The following SUGCT variants were observed in gnomAD, a reference collection of about 807,000 sequenced individuals.
The protein encoded by SUGCT is succinyl-CoA:glutarate-CoA transferase.
SUGCT carries 41 observed loss-of-function variants against 55.0 expected under a neutral mutation model. The ratio of observed to expected loss-of-function variants is 0.74; its 90% CI spans 0.58 to 0.97. The LOEUF is 0.97. SUGCT is among the 50% of genes least tolerant of loss of function. SUGCT has a pLI of 0.00. For synonymous variants in SUGCT, 187 were observed against 200.4 expected (o/e 0.93, Z 0.56); for missense variants, 568 against 547.8 (o/e 1.04, Z -0.37).
chr7:40,551,633 A>G (rs183197612), intron 12 of SUGCT, among the ~76,000 whole-genome samples: 5 of 152,310 alleles, frequency 3.3e-5, no homozygotes, highest in African/African-American at 7.2e-5. Context: ...GATCACTCCT[A>G]TGGATGGAAG....
intron 12 of SUGCT, among the ~76,000 whole-genome samples, chr7:40,634,598 A>G (rs1214574438): frequency 6.6e-6 from 1 of 152,232 alleles, no homozygotes; most frequent in East Asian, 1.9e-4. Context: ...AGAAAGAGAT[A>G]AAAACAATGA....
At chr7:40,439,410 C>T (rs907843641) in intron 9 of SUGCT, among the ~76,000 whole-genome samples, 1 of 151,868 alleles carries the variant, frequency 6.6e-6, no homozygotes, top group Non-Finnish European at 1.5e-5. Context: ...GTCTGTGGCT[C>T]ATTGCTCAGT....
intron 11 of SUGCT, among the ~76,000 whole-genome samples, chr7:40,478,099 C>G (rs1158036635): frequency 6.6e-6 from 1 of 152,088 alleles, no homozygotes; most frequent in Non-Finnish European, 1.5e-5. Flanking sequence ...CTCAAGGGAT[C>G]CTCCTGCCTA....
intron 9 of SUGCT, among the ~76,000 whole-genome samples, chr7:40,394,296 G>A (rs149148564): frequency 3.3e-4 from 50 of 152,236 alleles, no homozygotes; most frequent in African/African-American, 1.2e-3. Context: ...CAGACCTGTG[G>A]TTAGCAAATG....
chr7:40,545,622 GA>G lies in SUGCT; in HGVS notation c.1089+49237del. On this transcript the variant is annotated intron_variant, in intron 12 of 13. Coordinates refer to ENST00000335693, the MANE Select transcript of SUGCT (RefSeq NM_001193313.2). ...TAAAAAGAAACCAAGACAAAGGAAG[GA>G]GAATAATTTTATGAAAGTAAGAGTT... Among the ~76,000 whole-genome samples, 3 of 152,304 alleles carry G rather than the reference GA, an allele frequency of 2.0e-5. No individual in the cohort carries two copies. The East Asian group carries it at 5.8e-4, about 29-fold the overall frequency.
intron 9 of SUGCT, among the ~76,000 whole-genome samples, chr7:40,325,121 T>A (rs867502133): frequency 1.1e-4 from 17 of 152,358 alleles, no homozygotes; most frequent in Non-Finnish European, 1.8e-4. Flanking sequence ...TTTGAAGATA[T>A]GCAGTACTTT....
In SUGCT at chr7:40,227,876, A is replaced by T. The variant is rs572815043; in HGVS notation, c.485-9759A>T. ...ATTTATTTGTTATTTATTTATTTAT[A>T]TATTTATTTATTTATTTATTTTTGA... On this transcript the variant is annotated intron_variant, in intron 6 of 13. Coordinates refer to ENST00000335693, the MANE Select transcript of SUGCT (RefSeq NM_001193313.2). Among the ~76,000 whole-genome samples, 1,446 of 147,698 alleles carry T rather than the reference A, an allele frequency of 9.8e-3. 18 individuals are homozygous for T. The highest frequency in any genetic ancestry group is 0.013 in the Non-Finnish European group (853 of 67,620).
intron 7 of SUGCT, among the ~76,000 whole-genome samples, chr7:40,255,084 A>G (rs1790717828): frequency 6.6e-6 from 1 of 151,094 alleles, no homozygotes; most frequent in African/African-American, 2.4e-5. Flanking sequence ...AAAATTAGCC[A>G]TGCGTGGTGG....
chr7:40,319,338 T>C (rs966547681), intron 9 of SUGCT, among the ~76,000 whole-genome samples: 3 of 152,198 alleles, frequency 2.0e-5, no homozygotes, highest in South Asian at 2.1e-4. Flanking sequence ...GGGTCCTAGA[T>C]ATGCTTAGAG....
chr7:40,781,276 T>C (rs1245948975), intron 13 of SUGCT, among the ~76,000 whole-genome samples: 1 of 152,206 alleles, frequency 6.6e-6, no homozygotes, highest in Admixed American at 6.6e-5. Flanking sequence ...TTACATTCCC[T>C]TGGAATTAAA....
chr7:40,956,540 G>A, the SUGCT span, among the ~76,000 whole-genome samples: 1 of 151,692 alleles, frequency 6.6e-6, no homozygotes, highest in Non-Finnish European at 1.5e-5. Flanking sequence ...CTGGCTAGTG[G>A]TCTATTTTGT....
In SUGCT at chr7:40,268,370, C is replaced by T. The variant is rs145593680; in HGVS notation, c.577-6143C>T. ...TATAATATGCAGCCTTTTGTGACTGCCTTCTCTCACTTAGCATAATATTTG... is the reference window on the plus strand; with the variant it reads ...TATAATATGCAGCCTTTTGTGACTGTCTTCTCTCACTTAGCATAATATTTG... On this transcript the variant is annotated intron_variant, in intron 7 of 13. Transcript: ENST00000335693. Among the ~76,000 whole-genome samples, 568 of 152,280 alleles carry T rather than the reference C, an allele frequency of 3.7e-3. 2 individuals carry two copies. The highest frequency in any genetic ancestry group is 0.013 in the African/African-American group (554 of 41,572).
chr7:40,361,608 TAGGA>T (rs1002884210), intron 9 of SUGCT, among the ~76,000 whole-genome samples: 6 of 151,530 alleles, frequency 4.0e-5, no homozygotes, highest in African/African-American at 1.5e-4. Flanking sequence ...TCAAACACTC[TAGGA>T]AGAAGTGATT....
chr7:40,142,097 C>T (rs567591611), intron 1 of SUGCT, among the ~76,000 whole-genome samples: 4 of 151,832 alleles, frequency 2.6e-5, no homozygotes, highest in African/African-American at 7.3e-5. Context: ...AGCAGGTAAT[C>T]GGAATGACTT....
chr7:40,523,361 T>A (rs1177409729), intron 12 of SUGCT, among the ~76,000 whole-genome samples: 4 of 152,124 alleles, frequency 2.6e-5, no homozygotes, highest in Non-Finnish European at 5.9e-5. Flanking sequence ...GCTTGACATT[T>A]AATATCTATC....
chr7:40,880,504 T>C, the SUGCT span, among the ~76,000 whole-genome samples: 8 of 152,206 alleles, frequency 5.3e-5, no homozygotes, highest in Non-Finnish European at 7.3e-5. Context: ...CATGGCTTCA[T>C]TAGGGACTGC....
Position 40,189,535 on chromosome 7 carries a change from A to C in SUGCT, c.313-9A>C. 4 of 1,106,844 alleles carry C rather than the reference A, an allele frequency of 3.6e-6. No homozygotes were observed. The highest frequency in any genetic ancestry group is 4.7e-6 in the Non-Finnish European group (4 of 845,890). 68.6% of individuals were successfully genotyped at this position (1,106,844 alleles called of 1,614,324 possible). A position where few individuals can be genotyped will look rare whatever the true frequency, so the allele number is the denominator to read the frequency against. Reference sequence around the variant, plus strand: ...AATAATATATATATATATATTTTTTAATTTTTAGAGTATTGCTGTTAATAT... The same window carrying C: ...AATAATATATATATATATATTTTTTCATTTTTAGAGTATTGCTGTTAATAT... On this transcript the variant is annotated splice_polypyrimidine_tract_variant and intron_variant, in intron 4 of 13. Transcript: ENST00000335693.
chr7:40,679,522 C>T (rs532034646), intron 12 of SUGCT, among the ~76,000 whole-genome samples: 35 of 152,282 alleles, frequency 2.3e-4, no homozygotes, highest in African/African-American at 7.7e-4. Flanking sequence ...CTCATTTATG[C>T]CAGTCTCTTG....
rs367612223 is a variant in SUGCT, at chr7:40,147,776, CAG to C, written c.100+12660_100+12661del. On this transcript the variant is annotated intron_variant, in intron 1 of 13. Transcript: ENST00000335693. ...GGCGGACCTCCTCATGAGAGAGAAC[CAG>C]AGACCACCCCCAGAGGGGAATGTAA... Among the ~76,000 whole-genome samples, 1,090 of 152,352 alleles carry C rather than the reference CAG, an allele frequency of 7.2e-3. 14 individuals are homozygous for C. The highest frequency in any genetic ancestry group is 0.024 in the African/African-American group (1,017 of 41,582).
Sources: allele counts gnomAD v4.1 joint callset (sites outside exome capture counted in the v4.1 genomes callset), GRCh38; gene constraint gnomAD v4.1.1; transcripts MANE v1.5; gene names NCBI Gene and HGNC (gene_info 2026-07-23, HGNC 2026-07-21).